MTDH: variants seen among roughly 807,000 people sequenced by gnomAD.
The protein encoded by MTDH is metadherin.
In MTDH, 34 loss-of-function variants were observed where a neutral mutation model predicts 72.7. The ratio of observed to expected loss-of-function variants is 0.47; its 90% confidence interval spans 0.36 to 0.62. The LOEUF is 0.62. MTDH is among the 20% of genes least tolerant of loss of function. MTDH has a pLI of 0.00. For missense variants in MTDH, 677 were observed against 699.4 expected (o/e 0.97, Z 0.36); for synonymous variants, 266 against 268.9 (o/e 0.99, Z 0.10).
chr8:97,706,527 TTAAAA>T, intron 7 of MTDH, 94 bp from the exon 8 acceptor site: 6 of 1,197,756 alleles, frequency 5.0e-6, no homozygotes, highest in Non-Finnish European at 6.7e-6. Flanking sequence ...GAACAATAAC[TTAAAA>T]TTACAGCTTA....
At chr8:97,682,880 G>A (rs1813192947) in intron 2 of MTDH, among the ~76,000 whole-genome samples, 2 of 151,810 alleles carry the variant, frequency 1.3e-5, no homozygotes, top group African/African-American at 2.4e-5. Flanking sequence ...GGGGAACAGG[G>A]TTTAGAATGA....
At chr8:97,686,965 T>TA (rs199547572) in intron 3 of MTDH, among the ~76,000 whole-genome samples, 2 of 150,514 alleles carry the variant, frequency 1.3e-5, no homozygotes. Flanking sequence ...CCCTGAAATT[T>TA]AAAGTCAAGC....
chr8:97,657,018 A>G (rs572582337), intron 1 of MTDH, among the ~76,000 whole-genome samples: 1 of 152,194 alleles, frequency 6.6e-6, no homozygotes, highest in African/African-American at 2.4e-5. Context: ...TATGAAATTA[A>G]TAAATTGAAG....
At chr8:97,715,052 G>GT (rs1814806663) in intron 9 of MTDH, among the ~76,000 whole-genome samples, 1 of 151,674 alleles carries the variant, frequency 6.6e-6, no homozygotes, top group Non-Finnish European at 1.5e-5. Flanking sequence ...CTCAAGTGAT[G>GT]TGGTCTCAAG....
chr8:97,674,017 A>AT (rs1812742659), intron 2 of MTDH, among the ~76,000 whole-genome samples: 1 of 152,072 alleles, frequency 6.6e-6, no homozygotes, highest in Non-Finnish European at 1.5e-5. Flanking sequence ...TTAGCCAGGC[A>AT]TGGTGGCATG....
Position 97,730,014 on chromosome 8 carries a change from C to G in MTDH, c.*5344C>G, listed in dbSNP as rs1286218021. Among the ~76,000 whole-genome samples the G allele has an allele frequency of 6.6e-6, 1 of 152,164 alleles. No homozygotes were observed. The highest frequency in any genetic ancestry group is 1.5e-5 in the Non-Finnish European group (1 of 68,020). On this transcript the variant is annotated 3_prime_UTR_variant, in exon 12 of 12. Transcript: ENST00000336273. Reference sequence around the variant, plus strand: ...TCTAACAGGACGATGATTTCTAACCCTAGCATCATGACATGTATATAGTGT... The same window carrying G: ...TCTAACAGGACGATGATTTCTAACCGTAGCATCATGACATGTATATAGTGT...
chr8:97,669,219 G>A (rs958251615), intron 2 of MTDH, among the ~76,000 whole-genome samples: 2 of 151,958 alleles, frequency 1.3e-5, no homozygotes, highest in African/African-American at 2.4e-5. Flanking sequence ...CACGATCTCC[G>A]CTCACTGCAA....
chr8:97,709,324 A>G (rs1814523236), intron 8 of MTDH, among the ~76,000 whole-genome samples: 1 of 127,506 alleles, frequency 7.8e-6, no homozygotes, highest in South Asian at 2.8e-4. Flanking sequence ...GGACCTACAA[A>G]AAGGCTTCTT....
At chr8:97,666,853 C>T (rs1456422067) in intron 2 of MTDH, among the ~76,000 whole-genome samples, 2 of 151,878 alleles carry the variant, frequency 1.3e-5, no homozygotes, top group African/African-American at 4.8e-5. Context: ...CCTGCCACTA[C>T]CCCCGGCTGA....
chr8:97,660,144 A>C (rs923004358), intron 1 of MTDH, among the ~76,000 whole-genome samples: 1 of 152,148 alleles, frequency 6.6e-6, no homozygotes, highest in Non-Finnish European at 1.5e-5. Context: ...GGGCAACAAG[A>C]GCGAAACTCC....
intron 5 of MTDH, among the ~76,000 whole-genome samples, chr8:97,689,572 A>G (rs1445475672): frequency 6.6e-6 from 1 of 152,116 alleles, no homozygotes; most frequent in Non-Finnish European, 1.5e-5. Flanking sequence ...ATTGCTTTAT[A>G]AATAGAAAAT....
At chr8:97,660,883 TTATA>T (rs371936849) in intron 1 of MTDH, among the ~76,000 whole-genome samples, 185 bp from the exon 2 acceptor site, 4 of 128,228 alleles carry the variant, frequency 3.1e-5, no homozygotes, top group Admixed American at 1.9e-4. Flanking sequence ...CTTATGAATT[TTATA>T]TATATATATA....
chr8:97,697,150 A>ATATATATTTTTT, intron 6 of MTDH, among the ~76,000 whole-genome samples: 27 of 68,766 alleles, frequency 3.9e-4, no homozygotes, highest in African/African-American at 1.9e-3. Flanking sequence ...ATATATATAT[A>ATATATATTTTTT]TTTTTTTTTT....
At chr8:97,652,405 T>G (rs1273743468) in intron 1 of MTDH, among the ~76,000 whole-genome samples, 1 of 152,226 alleles carries the variant, frequency 6.6e-6, no homozygotes, top group Non-Finnish European at 1.5e-5. Context: ...AAAAGTCACC[T>G]TCCCCGAAAA....
chr8:97,685,195 A>C (rs1813311148), intron 2 of MTDH, among the ~76,000 whole-genome samples: 2 of 151,794 alleles, frequency 1.3e-5, no homozygotes, highest in Non-Finnish European at 2.9e-5. Context: ...TTTTTTTTTA[A>C]GTGGATATGA....
chr8:97,707,449 C>CTTTTTTTTTTTTT (rs35528230), intron 8 of MTDH, among the ~76,000 whole-genome samples: 2 of 80,204 alleles, frequency 2.5e-5, no homozygotes, highest in Admixed American at 1.7e-4. Flanking sequence ...CATGCCTGGC[C>CTTTTTTTTTTTTT]TTTTTTTTTT....
rs1350891831 is a variant in MTDH, at chr8:97,708,537, C to T, written c.1272+1787C>T. On this transcript the variant is annotated intron_variant, in intron 8 of 11. Coordinates refer to ENST00000336273, the MANE Select transcript of MTDH (RefSeq NM_178812.4). ...GCTCAAGTGATCCACCCACCTCGGCCTCCCAAAGTGCTGGGATTACAGGCA... is the reference window on the plus strand; with the variant it reads ...GCTCAAGTGATCCACCCACCTCGGCTTCCCAAAGTGCTGGGATTACAGGCA... Among the ~76,000 whole-genome samples, 3 of 129,492 alleles carry T rather than the reference C, an allele frequency of 2.3e-5. 1 individual carries two copies. Among genetic ancestry groups the T allele is most frequent in the African/African-American group, 6.7e-5 (2 of 29,858 alleles). The allele number at this position is 129,492 out of a possible 152,430, so 85.0% of individuals were successfully genotyped here.
At chr8:97,679,498 A>G (rs1055230654) in intron 2 of MTDH, among the ~76,000 whole-genome samples, 3 of 152,196 alleles carry the variant, frequency 2.0e-5, no homozygotes, top group African/African-American at 4.8e-5. Context: ...AGGTTGAAAA[A>G]TTAGTGTCGT....
chr8:97,650,451 T>C (rs1348796888), intron 1 of MTDH, among the ~76,000 whole-genome samples: 1 of 151,772 alleles, frequency 6.6e-6, no homozygotes, highest in Non-Finnish European at 1.5e-5. Context: ...ATTTTTGAAT[T>C]TTTTGTAGAG....
Sources: gnomAD v4.1 joint callset for allele counts (sites outside exome capture counted in the v4.1 genomes callset) on GRCh38, gnomAD v4.1.1 for gene constraint, MANE v1.5 for transcripts, NCBI Gene and HGNC (gene_info 2026-07-23, HGNC 2026-07-21) for gene names.